The following LRP8 variants were observed in gnomAD, a reference collection of about 807,000 sequenced individuals.
The protein encoded by LRP8 is low-density lipoprotein receptor-related protein 8.
A neutral mutation model predicts 111.6 loss-of-function variants in LRP8; 46 were observed. The observed-to-expected ratio is 0.41, with a 90% confidence interval of 0.33 to 0.53. The LOEUF (loss-of-function observed/expected upper bound fraction) is 0.53. Ranked by LOEUF, LRP8 falls within the 20% of genes least tolerant of loss-of-function variation. LRP8 has a pLI of 0.20. For missense variants in LRP8, 959 were observed against 1,297.4 expected, an observed-to-expected ratio of 0.74 and a Z score of 4.01; for synonymous variants, 464 against 511.2, an observed-to-expected ratio of 0.91 and a Z score of 1.24.
intron 6 of LRP8, among the ~76,000 whole-genome samples, chr1:53,273,065 A>C (rs1646810044): frequency 1.3e-5 from 2 of 152,216 alleles, no homozygotes; most frequent in African/African-American, 2.4e-5. Context: ...GGTGAGGGGA[A>C]GAGAAAGGAG....
At chr1:53,254,705 C>G (rs1276633399) in intron 16 of LRP8, among the ~76,000 whole-genome samples, 2 of 152,124 alleles carry the variant, frequency 1.3e-5, no homozygotes, top group Admixed American at 6.5e-5. Flanking sequence ...GAAAACAAGA[C>G]AGTATGACCT....
At chr1:53,255,297 A>G in intron 15 of LRP8, 112 bp from the exon 16 acceptor site, 1 of 885,032 alleles carries the variant, frequency 1.1e-6, no homozygotes. Flanking sequence ...TTCTAAAATG[A>G]TGATCCTGGC....
intron 2 of LRP8, among the ~76,000 whole-genome samples, chr1:53,299,332 G>A (rs1267139643): frequency 1.3e-5 from 2 of 152,172 alleles, no homozygotes; most frequent in East Asian, 1.9e-4. Flanking sequence ...CACACACTAG[G>A]AAGCAGCCCT....
At chr1:53,307,668 TATG>T (rs1484950260) in intron 2 of LRP8, among the ~76,000 whole-genome samples, 1 of 152,218 alleles carries the variant, frequency 6.6e-6, no homozygotes, top group East Asian at 1.9e-4. Flanking sequence ...GTTGGCTTCA[TATG>T]ATGCTCACAC....
chr1:53,276,939 G>A lies in LRP8; in HGVS notation c.636C>T (p.Arg212=). The A allele has an allele frequency of 6.8e-7, 1 of 1,461,478 alleles. No individual in the cohort carries two copies. The highest frequency in any genetic ancestry group is 9.0e-7 in the Non-Finnish European group (1 of 1,109,750). The allele number at this position is 1,461,478 out of a possible 1,614,324, so 90.5% of individuals were successfully genotyped here. A position where few individuals can be genotyped will look rare whatever the true frequency, so the allele number is the denominator to read the frequency against. ...AGGCGCCGCCGCCATCGCCGCCGCA[G>A]CGGAACTCGCGGGGCCCGCAGGCCG... ...ADPACGPREF[R]CGGDGGGACI... is the part of the protein sequence containing the mutation. Residue 212 remains arginine, a synonymous_variant, in exon 5 of 19, where the codon CGC becomes CGT. Transcript: ENST00000306052.
At chr1:53,305,583 T>C (rs1651781766) in intron 2 of LRP8, among the ~76,000 whole-genome samples, 1 of 152,218 alleles carries the variant, frequency 6.6e-6, no homozygotes, top group South Asian at 2.1e-4. Context: ...GTGGAATTAT[T>C]ACCTGGCAGC....
rs1645844393 is a variant in LRP8 at position 53,249,989 on chromosome 1, G to A, written c.2677-433C>T. 6.6e-6 allele frequency among the ~76,000 whole-genome samples: 1 copy of A among 152,214 alleles called. No homozygotes were observed. Among genetic ancestry groups the A allele is most frequent in the South Asian group, 2.1e-4 (1 of 4,834 alleles). On this transcript the variant is annotated intron_variant, in intron 17 of 18. Transcript: ENST00000306052. The surrounding 1 kb of genome is among the most constrained non-coding windows in gnomAD (Gnocchi z 4.1). Reference sequence around the variant, plus strand: ...GAGACCACTGAGTAAAAGACAAGTGGACTACAGTGTGACAGGGGCTGTGAG... The same window carrying A: ...GAGACCACTGAGTAAAAGACAAGTGAACTACAGTGTGACAGGGGCTGTGAG...
chr1:53,321,258 G>C (rs565201043), intron 2 of LRP8, among the ~76,000 whole-genome samples: 67 of 152,342 alleles, frequency 4.4e-4, no homozygotes, highest in South Asian at 1.2e-3. Flanking sequence ...GTCTAGAAAG[G>C]CATCTCTGGA....
chr1:53,272,030 C>T (rs1415408244), intron 6 of LRP8, among the ~76,000 whole-genome samples: 1 of 152,024 alleles, frequency 6.6e-6, no homozygotes, highest in Non-Finnish European at 1.5e-5. Context: ...GCTAGTTTGC[C>T]ACCCAGAAGG....
At position 53,262,131 on chromosome 1, in the gene LRP8, G is replaced by C; in HGVS notation, c.1851C>G (p.Asn617Lys). 1 of 1,614,160 alleles carries C rather than the reference G, an allele frequency of 6.2e-7. No individual in the cohort carries two copies. Among genetic ancestry groups the C allele is most frequent in the Non-Finnish European group, 8.5e-7 (1 of 1,180,040 alleles). The change falls in exon 12 of 19, where the codon AAC becomes AAG. Residue 617 changes from asparagine to lysine, a missense_variant. Physicochemically the swap from Asn to Lys is moderately conservative, Grantham distance 94. This residue lies in a region of LRP8 where 819 missense variants were observed against 1,097.6 expected (regional missense o/e 0.75). Transcript: ENST00000306052. This position sits in a 1 kb window ranked among gnomAD's most constrained non-coding sequence, Gnocchi z 4.8. ...QLSSIDFSGG[N>K]RKTLISSTDF... is the part of the protein sequence containing the mutation. ...CAGTGGAGGAGATCAGCGTCTTTCT[G>C]TTGCCTCCACTGAAGTCAATGCTGG...
intron 9 of LRP8, among the ~76,000 whole-genome samples, chr1:53,264,641 G>A (rs57447527): frequency 6.6e-6 from 1 of 152,224 alleles, no homozygotes; most frequent in Non-Finnish European, 1.5e-5. Context: ...GGGTGAGCCA[G>A]ATATAATACA....
chr1:53,273,964 T>TAAAAACG (rs1646837691), intron 6 of LRP8, among the ~76,000 whole-genome samples: 1 of 149,858 alleles, frequency 6.7e-6, no homozygotes, highest in Non-Finnish European at 1.5e-5. Flanking sequence ...CTGGGAACAG[T>TAAAAACG]AAAAACAAAA....
In LRP8 at chr1:53,277,020, C is replaced by G. The variant is rs1239938670; in HGVS notation, c.555G>C (p.Val185=). 1 of 1,520,816 alleles carries G rather than the reference C, an allele frequency of 6.6e-7. No individual in the cohort carries two copies. Among genetic ancestry groups the G allele is most frequent in the African/African-American group, 1.4e-5 (1 of 71,212 alleles). 94.2% of individuals were successfully genotyped at this position (1,520,816 alleles called of 1,614,324 possible). ...GNRSCLAAVF[V]CDGDDDCGDG... is the part of the protein sequence containing the mutation. The stretch of plus-strand genomic sequence containing the variant: ...CACCACAGTCGTCGTCGCCGTCGCA[C>G]ACGAACACGGCGGCCAGGCACGAGC... Residue 185 remains valine (V), a synonymous_variant, in exon 5 of 19, where the codon GTG becomes GTC. Coordinates refer to ENST00000306052, the MANE Select transcript of LRP8 (RefSeq NM_004631.5).
intron 2 of LRP8, among the ~76,000 whole-genome samples, chr1:53,309,964 A>G (rs758753484): frequency 1.3e-5 from 2 of 152,058 alleles, no homozygotes; most frequent in African/African-American, 2.4e-5. Context: ...GCTTCACCAG[A>G]GATGGGAGTC....
At chr1:53,278,345 C>G (rs927952861) in intron 4 of LRP8, among the ~76,000 whole-genome samples, 6 of 152,220 alleles carry the variant, frequency 3.9e-5, no homozygotes, top group Admixed American at 2.0e-4. Context: ...GGGTAGGCCC[C>G]GGTGGGGCAC....
At chr1:53,252,540 T>C (rs1417661502) in intron 16 of LRP8, among the ~76,000 whole-genome samples, 4 of 151,846 alleles carry the variant, frequency 2.6e-5, no homozygotes, top group African/African-American at 9.7e-5. Flanking sequence ...TCTTGTCTCT[T>C]AAAAAGAAAA....
rs193154983 is a variant in LRP8 at position 53,290,622 on chromosome 1, G to T, written c.245-933C>A. Among the ~76,000 whole-genome samples, 445 of 152,262 alleles carry T rather than the reference G, an allele frequency of 2.9e-3. 3 individuals are homozygous for T. The highest frequency in any genetic ancestry group is 0.01 in the African/African-American group (422 of 41,550). On this transcript the variant is annotated intron_variant, in intron 2 of 18. Coordinates refer to ENST00000306052, the MANE Select transcript of LRP8 (RefSeq NM_004631.5). ...AGAATGCAGGTACCATCCCCAGCCCGGTTCTTTACTGCCTTCTGTGTCTTG... is the reference window on the plus strand; with the variant it reads ...AGAATGCAGGTACCATCCCCAGCCCTGTTCTTTACTGCCTTCTGTGTCTTG...
At chr1:53,286,667 C>T (rs751499693) in intron 3 of LRP8, among the ~76,000 whole-genome samples, 1 of 152,248 alleles carries the variant, frequency 6.6e-6, no homozygotes, top group Non-Finnish European at 1.5e-5. Flanking sequence ...GGAAACAGAG[C>T]TGGGAGAAAC....
Position 53,249,466 on chromosome 1 carries a change from G to C in LRP8, c.2767C>G (p.Leu923Val). Residue 923 changes from leucine (L) to valine (V), a missense_variant, in exon 18 of 19, where the codon CTT becomes GTT. By Grantham distance (32) the Leu-to-Val change is conservative (BLOSUM62 1). Coordinates refer to ENST00000306052, the MANE Select transcript of LRP8 (RefSeq NM_004631.5). This position sits in a 1 kb window ranked among gnomAD's most constrained non-coding sequence, Gnocchi z 4.1. ...PEDPAPALKE[L>V]FVLPGEPRSQ... Reference sequence around the variant, plus strand: ...CTTGGTTCCCCCGGCAAGACAAAAAGCTCCTTGAGGGCAGGGGCTGGGTCT... The same window carrying C: ...CTTGGTTCCCCCGGCAAGACAAAAACCTCCTTGAGGGCAGGGGCTGGGTCT... 6.2e-7 allele frequency: 1 copy of C among 1,614,098 alleles called. No individual in the cohort carries two copies.
Sources: allele counts gnomAD v4.1 joint callset (sites outside exome capture counted in the v4.1 genomes callset), GRCh38; gene constraint gnomAD v4.1.1; regional missense constraint gnomAD v4.1.1; non-coding constraint Gnocchi (gnomAD v3.1); transcripts MANE v1.5; gene names NCBI Gene and HGNC (gene_info 2026-07-23, HGNC 2026-07-21).